Variants in SNX31 observed in about 807,000 individuals in gnomAD.
SNX31 encodes the protein sorting nexin 31, also known as sorting nexin-31.
Under a neutral mutation model 65.4 loss-of-function variants are expected in SNX31, and 58 were observed. The ratio of observed to expected loss-of-function variants is 0.89; its 90% CI spans 0.72 to 1.10. The LOEUF (loss-of-function observed/expected upper bound fraction) is 1.10, where lower values mean the gene tolerates loss of function less well. Among genes scored for constraint, SNX31 ranks in the 50% least tolerant of loss-of-function variants. SNX31 has a pLI of 0.00. For missense variants in SNX31, 523 were observed against 529.7 expected (o/e 0.99, Z 0.12); for synonymous variants, 181 against 190.1 (o/e 0.95, Z 0.39).
In SNX31 at chr8:100,612,878, A is replaced by T; in HGVS notation, c.523+117T>A. 1 of 842,848 alleles carries T rather than the reference A, an allele frequency of 1.2e-6. No homozygotes were observed. Among genetic ancestry groups the T allele is most frequent in the Admixed American group, 1.8e-5 (1 of 54,934 alleles). 52.2% of individuals were successfully genotyped at this position (842,848 alleles called of 1,614,324 possible). A position where few individuals can be genotyped will look rare whatever the true frequency, so the allele number is the denominator to read the frequency against. ...AACCCTTAACCCAGTGACTGAGAAC[A>T]GTGGTAGGGATCACAGCCCAGTGGG... On this transcript the variant is annotated intron_variant, in intron 6 of 13. Coordinates refer to ENST00000311812, the MANE Select transcript of SNX31 (RefSeq NM_152628.4). The surrounding 1 kb of genome is among the most constrained non-coding windows in gnomAD (Gnocchi z 4.3).
chr8:100,596,990 C>T (rs1815157749), intron 9 of SNX31, 148 bp from the exon 10 acceptor site: 3 of 682,832 alleles, frequency 4.4e-6, no homozygotes, highest in Non-Finnish European at 7.5e-6. Context: ...TTTCTTGATC[C>T]TACACATAGA....
upstream of SNX31, among the ~76,000 whole-genome samples, chr8:100,651,985 C>CT (rs35499660): frequency 5.6e-4 from 84 of 149,622 alleles, no homozygotes; most frequent in Middle Eastern, 0.01. Flanking sequence ...GTTTTTAATT[C>CT]TTTTTTTTTT....
At position 100,588,995 on chromosome 8, in the gene SNX31, T is replaced by G; in HGVS notation, c.979-16A>C. ...GCAGAGTTCCCTACAAAGGAAAATATTTTATATTCAATGTAAATTTAAATG... is the reference window on the plus strand; with the variant it reads ...GCAGAGTTCCCTACAAAGGAAAATAGTTTATATTCAATGTAAATTTAAATG... On this transcript the variant is annotated splice_polypyrimidine_tract_variant and intron_variant, in intron 10 of 13. Coordinates refer to ENST00000311812, the MANE Select transcript of SNX31 (RefSeq NM_152628.4). This position sits in a 1 kb window ranked among gnomAD's most constrained non-coding sequence, Gnocchi z 4.8. 1.9e-6 allele frequency: 3 copies of G among 1,588,066 alleles called. No homozygotes were observed. Among genetic ancestry groups the G allele is most frequent in the Non-Finnish European group, 1.7e-6 (2 of 1,158,096 alleles).
Position 100,575,380 on chromosome 8 carries a change from C to T in SNX31, c.1228-1420G>A, listed in dbSNP as rs1812963260. Among the ~76,000 whole-genome samples the T allele has an allele frequency of 6.6e-6, 1 of 152,178 alleles. No individual in the cohort carries two copies. Among genetic ancestry groups the T allele is most frequent in the African/African-American group, 2.4e-5 (1 of 41,428 alleles). On this transcript the variant is annotated intron_variant, in intron 13 of 13. Coordinates refer to ENST00000311812, the MANE Select transcript of SNX31 (RefSeq NM_152628.4). This position sits in a 1 kb window ranked among gnomAD's most constrained non-coding sequence, Gnocchi z 5.1. ...AAAGTAATTATAGCAGTTCATGGCT[C>T]AGGATAAGGTCTATACAACAGTTTG...
At chr8:100,623,588 A>C (rs938581878) in intron 4 of SNX31, among the ~76,000 whole-genome samples, 4 of 152,108 alleles carry the variant, frequency 2.6e-5, no homozygotes, top group African/African-American at 9.7e-5. Flanking sequence ...GCTTCCCCTC[A>C]CTGTCCAGCC....
upstream of SNX31, among the ~76,000 whole-genome samples, chr8:100,653,629 G>A (rs1344692634): frequency 2.0e-5 from 3 of 152,192 alleles, no homozygotes; most frequent in East Asian, 1.9e-4. Flanking sequence ...CGGCTCTGCC[G>A]ACACTTTGAT....
At chr8:100,657,724 C>G (rs749766208) in intron 1 of SNX31, 1 of 455,692 alleles carries the variant, frequency 2.2e-6, no homozygotes, top group Admixed American at 2.4e-5. Context: ...GTGCAGTCAC[C>G]TGGTGAAGGT....
intron 2 of SNX31, among the ~76,000 whole-genome samples, chr8:100,644,189 C>A (rs1819467399): frequency 6.6e-6 from 1 of 152,112 alleles, no homozygotes; most frequent in Non-Finnish European, 1.5e-5. Context: ...ACTGAACCAG[C>A]GCACACAGGC....
At chr8:100,653,157 A>C (rs1204445309), upstream of SNX31, among the ~76,000 whole-genome samples, 2 of 152,074 alleles carry the variant, frequency 1.3e-5, no homozygotes, top group South Asian at 4.2e-4. Context: ...ATGGCTTGGG[A>C]TGTGTATCTT....
At chr8:100,647,703 G>A (rs772939848) in intron 2 of SNX31, among the ~76,000 whole-genome samples, 2 of 152,154 alleles carry the variant, frequency 1.3e-5, no homozygotes, top group African/African-American at 4.8e-5. Context: ...GAGGTGATCA[G>A]CCAGGACGCA....
intron 2 of SNX31, among the ~76,000 whole-genome samples, chr8:100,641,360 G>C (rs1051769590): frequency 3.3e-5 from 5 of 151,120 alleles, no homozygotes; most frequent in African/African-American, 1.2e-4. Flanking sequence ...AACATGGCAA[G>C]ATGTTGTCTC....
chr8:100,581,354 T>G (rs1238410742), intron 12 of SNX31, among the ~76,000 whole-genome samples: 1 of 147,700 alleles, frequency 6.8e-6, no homozygotes, highest in African/African-American at 2.5e-5. Context: ...TATATATATA[T>G]ATAATTTAAG....
rs752425672 is a variant in SNX31 at position 100,573,926 on chromosome 8, C to CTTTTTTTTTTTTTTTTTTTTTTT, written c.1261_1262insAAAAAAAAAAAAAAAAAAAAAAA (p.Ser421LysfsTer13). 8.2e-6 allele frequency: 13 copies of CTTTTTTTTTTTTTTTTTTTTTTT among 1,586,974 alleles called. No homozygotes were observed. In the Admixed American group the frequency reaches 2.0e-4, roughly 25 times the overall value. On this transcript the variant is annotated frameshift_variant, in exon 14 of 14. Transcript: ENST00000311812. LOFTEE classifies it high-confidence loss of function. ...GTCATCTTTAGCTATCTTAATCTTG[C>CTTTTTTTTTTTTTTTTTTTTTTT]TTTTTCTTGATAGAAAACTAGAATA...
Position 100,612,002 on chromosome 8 carries a change from CT to C in SNX31, c.608del (p.Lys203SerfsTer12), listed in dbSNP as rs1563547777. Reference protein sequence around the residue: ...EVENCKVGLRKWYMAPSLDSV... With the variant: ...EVENCKVGLRXWYMAPSLDSV... ...TGTCACTTTCAGAACCTACTTACCACTTTCGGAGTCCAACCTTACAGTTTTC... is the reference window on the plus strand; with the variant it reads ...TGTCACTTTCAGAACCTACTTACCACTTCGGAGTCCAACCTTACAGTTTTC... On this transcript the variant is annotated frameshift_variant, in exon 7 of 14. Transcript: ENST00000311812. LOFTEE classifies it high-confidence loss of function. The surrounding 1 kb of genome is among the most constrained non-coding windows in gnomAD (Gnocchi z 4.3). 6 of 1,613,760 alleles carry C rather than the reference CT, an allele frequency of 3.7e-6. No homozygotes were observed. The highest frequency in any genetic ancestry group is 4.2e-6 in the Non-Finnish European group (5 of 1,179,654).
At chr8:100,603,823 C>T (rs913475807) in intron 8 of SNX31, among the ~76,000 whole-genome samples, 5 of 151,994 alleles carry the variant, frequency 3.3e-5, no homozygotes, top group African/African-American at 9.7e-5. Context: ...CTGCAATCTC[C>T]GCCTCCTGGG....
Position 100,641,695 on chromosome 8 carries a change from T to C in SNX31, c.142-5684A>G, listed in dbSNP as rs2131261169. On this transcript the variant is annotated intron_variant, in intron 2 of 13. Coordinates refer to ENST00000311812, the MANE Select transcript of SNX31 (RefSeq NM_152628.4). ...TGCCTGTAGCCATTTAAGTTTGCAA[T>C]CTCTCATCTAAACCTAGTATAATTT... 1.6e-5 allele frequency among the ~76,000 whole-genome samples: 2 copies of C among 126,934 alleles called. 1 individual carries two copies. Among genetic ancestry groups the C allele is most frequent in the South Asian group, 5.2e-4 (2 of 3,862 alleles). The allele number at this position is 126,934 out of a possible 152,430, so 83.3% of individuals were successfully genotyped here. A position where few individuals can be genotyped will look rare whatever the true frequency, so the allele number is the denominator to read the frequency against.
intron 10 of SNX31, among the ~76,000 whole-genome samples, 174 bp downstream of exon 10, chr8:100,596,465 G>A (rs955519378): frequency 2.6e-5 from 4 of 152,144 alleles, no homozygotes; most frequent in Non-Finnish European, 4.4e-5. Flanking sequence ...GGTGGGGAAC[G>A]TGCATCAGAC....
At chr8:100,583,616 G>GA (rs1324441447) in intron 12 of SNX31, among the ~76,000 whole-genome samples, 5 of 151,578 alleles carry the variant, frequency 3.3e-5, no homozygotes, top group African/African-American at 7.3e-5. Flanking sequence ...TTATATTGAG[G>GA]AAAAAAAATA....
chr8:100,576,031 C>T lies in SNX31; in HGVS notation c.1227+988G>A, dbSNP rs1415281166. On this transcript the variant is annotated intron_variant, in intron 13 of 13. Coordinates refer to ENST00000311812, the MANE Select transcript of SNX31 (RefSeq NM_152628.4). This position sits in a 1 kb window ranked among gnomAD's most constrained non-coding sequence, Gnocchi z 4.8. ...ATATGGAAGTGCAGTATCAGAGTCC[C>T]TAATGAAGTTAGGTTTTGGATCTGC... is the stretch of plus-strand genomic sequence containing the variant. Among the ~76,000 whole-genome samples the T allele has an allele frequency of 6.6e-6, 1 of 152,094 alleles. No homozygotes were observed. The highest frequency in any genetic ancestry group is 1.5e-5 in the Non-Finnish European group (1 of 68,024).
Sources: gnomAD v4.1 joint callset for allele counts (sites outside exome capture counted in the v4.1 genomes callset) on GRCh38, gnomAD v4.1.1 for gene constraint, Gnocchi (gnomAD v3.1) non-coding constraint, MANE v1.5 for transcripts, NCBI Gene and HGNC (gene_info 2026-07-23, HGNC 2026-07-21) for gene names.